TP63: variants seen among roughly 807,000 people sequenced by gnomAD.
The protein encoded by TP63 is tumor protein p63.
Under a neutral mutation model 82.8 loss-of-function variants are expected in TP63, and 17 were observed. That is an observed-to-expected ratio of 0.21 (90% CI 0.14 to 0.31). TP63 has a LOEUF of 0.31. Among genes scored for constraint, TP63 ranks in the 10% least tolerant of loss-of-function variants. The probability of loss-of-function intolerance (pLI) is 1.00; values close to 1 mark genes in which losing one functional copy is unlikely to be tolerated. For missense variants in TP63, 648 were observed against 895.3 expected (o/e 0.72, Z 3.52); for synonymous variants, 330 against 321.7 (o/e 1.03, Z -0.28).
At chr3:189,745,708 CAAAA>C (rs71298529) in intron 3 of TP63, among the ~76,000 whole-genome samples, 3 of 17,788 alleles carry the variant, frequency 1.7e-4, no homozygotes, top group Non-Finnish European at 3.0e-4. Context: ...AACTCCATCT[CAAAA>C]AAAAAAAAAA....
intron 11 of TP63, 139 bp from the exon 12 acceptor site, chr3:189,889,201 G>A: frequency 8.3e-7 from 1 of 1,201,254 alleles, no homozygotes; most frequent in Non-Finnish European, 1.2e-6. Flanking sequence ...TGTTTGAAGG[G>A]GTGTAGTGAG....
chr3:189,636,441 A>G (rs1420985883), intron 1 of TP63, among the ~76,000 whole-genome samples: 1 of 152,114 alleles, frequency 6.6e-6, no homozygotes, highest in Non-Finnish European at 1.5e-5. Flanking sequence ...AATAAACTCA[A>G]CTCAACTCTG....
intron 3 of TP63, among the ~76,000 whole-genome samples, chr3:189,799,308 G>A (rs869546): frequency 0.18 from 27,234 of 151,938 alleles, 3,133 homozygotes; most frequent in Non-Finnish European, 0.26. Context: ...TGGAAATTAG[G>A]CAGGGAGGGA....
At chr3:189,725,652 G>A (rs958421885) in intron 1 of TP63, among the ~76,000 whole-genome samples, 5 of 152,094 alleles carry the variant, frequency 3.3e-5, no homozygotes, top group South Asian at 2.1e-4. Flanking sequence ...GATGGTGGGG[G>A]AGGAAATCCT....
At chr3:189,853,908 TG>T (rs1208711197) in intron 4 of TP63, among the ~76,000 whole-genome samples, 2 of 152,324 alleles carry the variant, frequency 1.3e-5, no homozygotes, top group African/African-American at 4.8e-5. Context: ...CAGTGTATTT[TG>T]GTTGTTTTTG....
chr3:189,633,823 T>C (rs6763020), intron 1 of TP63, among the ~76,000 whole-genome samples: 10,949 of 152,230 alleles, frequency 0.072, 498 homozygotes, highest in Middle Eastern at 0.2. Flanking sequence ...TTACTCAGCA[T>C]CTGCTCTGCG....
intron 13 of TP63, 32 bp downstream of exon 13, chr3:189,890,914 A>C: frequency 6.3e-7 from 1 of 1,596,560 alleles, no homozygotes; most frequent in Non-Finnish European, 8.6e-7. Context: ...CTCAAATTTT[A>C]TTTCTTCATT....
chr3:189,661,733 C>T (rs1046064674), intron 1 of TP63, among the ~76,000 whole-genome samples: 1 of 151,738 alleles, frequency 6.6e-6, no homozygotes, highest in Non-Finnish European at 1.5e-5. Flanking sequence ...TTTTTAATGC[C>T]AATTCCATTT....
intron 4 of TP63, among the ~76,000 whole-genome samples, chr3:189,809,719 T>A (rs1322139618): frequency 6.6e-6 from 1 of 152,226 alleles, no homozygotes; most frequent in Non-Finnish European, 1.5e-5. Flanking sequence ...AGCCTTTAGT[T>A]TGTATAGTTT....
At chr3:189,753,032 A>G (rs942558016) in intron 3 of TP63, among the ~76,000 whole-genome samples, 2 of 152,166 alleles carry the variant, frequency 1.3e-5, no homozygotes, top group African/African-American at 2.4e-5. Context: ...AAAATTTTTT[A>G]ATTTATTAAG....
chr3:189,782,655 G>C (rs1056761471), intron 3 of TP63, among the ~76,000 whole-genome samples: 7 of 152,052 alleles, frequency 4.6e-5, no homozygotes, highest in Admixed American at 3.9e-4. Context: ...TATAATGTAA[G>C]GTGATATTTT....
At chr3:189,665,261 G>C (rs75664567) in intron 1 of TP63, among the ~76,000 whole-genome samples, 1 of 151,992 alleles carries the variant, frequency 6.6e-6, no homozygotes, top group Non-Finnish European at 1.5e-5. Context: ...CTTATGCTAC[G>C]GTTCAGGGAT....
intron 3 of TP63, among the ~76,000 whole-genome samples, chr3:189,807,888 C>A (rs1727083284): frequency 6.6e-6 from 1 of 152,182 alleles, no homozygotes; most frequent in Non-Finnish European, 1.5e-5. Context: ...TTGTGTAACA[C>A]GCCCCAACCC....
chr3:189,825,364 A>G lies in TP63; in HGVS notation c.579+16838A>G, dbSNP rs944375727. On this transcript the variant is annotated intron_variant, in intron 4 of 13. Coordinates refer to ENST00000264731, the MANE Select transcript of TP63 (RefSeq NM_003722.5). ...AAGTGATATAAAAATGGTTATCAAT[A>G]TGAAGTAGATAGAAAAGTATTAGGA... Among the ~76,000 whole-genome samples, 18 of 152,368 alleles carry G rather than the reference A, an allele frequency of 1.2e-4. No homozygotes were observed. In the East Asian group the frequency reaches 3.1e-3, roughly 26 times the overall value.
intron 13 of TP63, among the ~76,000 whole-genome samples, chr3:189,893,456 G>A (rs768640512): frequency 2.6e-5 from 4 of 152,194 alleles, no homozygotes; most frequent in African/African-American, 4.8e-5. Flanking sequence ...AAGAGCTAAC[G>A]CAGATAAATG....
chr3:189,776,834 A>AAG (rs1723839676), intron 3 of TP63, among the ~76,000 whole-genome samples: 2 of 152,204 alleles, frequency 1.3e-5, no homozygotes, highest in African/African-American at 2.4e-5. Context: ...TACGCAGGAT[A>AAG]AGAGAGAGAA....
chr3:189,758,661 C>T (rs770493232), intron 3 of TP63, among the ~76,000 whole-genome samples: 9 of 152,184 alleles, frequency 5.9e-5, no homozygotes, highest in Non-Finnish European at 1.0e-4. Flanking sequence ...TTGGTCTCTC[C>T]CTCTGCCTTA....
At chr3:189,852,273 C>G (rs949900291) in intron 4 of TP63, among the ~76,000 whole-genome samples, 1 of 152,302 alleles carries the variant, frequency 6.6e-6, no homozygotes. Context: ...AGTGTTACTT[C>G]ATGTAATTTT....
intron 4 of TP63, among the ~76,000 whole-genome samples, chr3:189,831,394 A>G (rs2108706838): frequency 6.6e-6 from 1 of 152,170 alleles, no homozygotes; most frequent in Middle Eastern, 3.4e-3. Flanking sequence ...GTATTTCTTA[A>G]TTTACTTTTT....
Sources: gnomAD v4.1 joint callset for allele counts (sites outside exome capture counted in the v4.1 genomes callset) on GRCh38, gnomAD v4.1.1 for gene constraint, MANE v1.5 for transcripts, NCBI Gene and HGNC (gene_info 2026-07-23, HGNC 2026-07-21) for gene names.